Variants in RPS6KB1 observed in about 807,000 individuals in gnomAD.
The protein encoded by RPS6KB1 is ribosomal protein S6 kinase beta-1.
RPS6KB1 carries 12 observed loss-of-function variants against 70.2 expected under a neutral mutation model. The observed-to-expected ratio is 0.17, with a 90% CI of 0.11 to 0.28. RPS6KB1 has a LOEUF of 0.28. RPS6KB1 is among the 10% of genes least tolerant of loss of function. RPS6KB1 has a pLI of 1.00. For missense variants in RPS6KB1, 270 were observed against 646.6 expected (o/e 0.42, Z 6.32); for synonymous variants, 175 against 211.2 (o/e 0.83, Z 1.49).
intron 13 of RPS6KB1, among the ~76,000 whole-genome samples, chr17:59,944,554 C>T (rs542457456): frequency 8.5e-4 from 129 of 152,214 alleles, no homozygotes; most frequent in African/African-American, 2.9e-3. Flanking sequence ...CACTGCACTC[C>T]AGCCTGGGCA....
Position 59,936,520 on chromosome 17 carries a change from G to T in RPS6KB1, c.1098G>T (p.Glu366Asp). 6.2e-7 allele frequency: 1 copy of T among 1,613,364 alleles called. No individual in the cohort carries two copies. Among genetic ancestry groups the T allele is most frequent in the South Asian group, 1.1e-5 (1 of 91,068 alleles). ...NWEELLARKV[E>D]PPFKPLLQSE... ...AAGAACTTCTGGCTCGAAAGGTGGAGCCCCCCTTTAAACCTCTGTTGGTAA... is the reference window on the plus strand; with the variant it reads ...AAGAACTTCTGGCTCGAAAGGTGGATCCCCCCTTTAAACCTCTGTTGGTAA... The change falls in exon 12 of 15, where the codon GAG (glutamate) becomes GAT (aspartate). Residue 366 changes from glutamate to aspartate, a missense_variant. Transcript: ENST00000225577.
At chr17:59,898,080 C>CT (rs2144662720) in intron 1 of RPS6KB1, among the ~76,000 whole-genome samples, 1 of 151,596 alleles carries the variant, frequency 6.6e-6, no homozygotes, top group East Asian at 1.9e-4. Flanking sequence ...TTTTGTTTCA[C>CT]TGTTGATGAT....
chr17:59,915,775 C>CTTTTTTTTTTTTT lies in RPS6KB1; in HGVS notation c.381+1084_381+1096dup, dbSNP rs71370143. Reference sequence around the variant, plus strand: ...GCCACTGCGCCTGGCCTACTGCTATCTTTTTTTTTTTTTTTTTTTTTTTTA... The same window carrying CTTTTTTTTTTTTT: ...GCCACTGCGCCTGGCCTACTGCTATCTTTTTTTTTTTTTTTTTTTTTTTTTTTTTTTTTTTTTA... On this transcript the variant is annotated intron_variant, in intron 4 of 14. Transcript: ENST00000225577. Among the ~76,000 whole-genome samples the CTTTTTTTTTTTTT allele has an allele frequency of 2.1e-4, 16 of 77,908 alleles. 1 individual carries two copies. Among genetic ancestry groups the CTTTTTTTTTTTTT allele is most frequent in the African/African-American group, 5.1e-4 (8 of 15,666 alleles). 51.1% of individuals were successfully genotyped at this position (77,908 alleles called of 152,430 possible). A position where few individuals can be genotyped will look rare whatever the true frequency, so the allele number is the denominator to read the frequency against.
At chr17:59,904,085 T>C (rs1329208765) in intron 1 of RPS6KB1, among the ~76,000 whole-genome samples, 1 of 150,788 alleles carries the variant, frequency 6.6e-6, no homozygotes, top group Non-Finnish European at 1.5e-5. Flanking sequence ...TTTATTTATT[T>C]ATTTATTTAT....
At position 59,894,539 on chromosome 17, in the gene RPS6KB1, GTATA is replaced by G. The variant is rs1208243086; in HGVS notation, c.141+1217_141+1220del. On this transcript the variant is annotated intron_variant, in intron 1 of 14. Coordinates refer to ENST00000225577, the MANE Select transcript of RPS6KB1 (RefSeq NM_003161.4). Reference sequence around the variant, plus strand: ...ACTGTTGACAAAAGATTGAGATGATGTATATAAAGAATTTTGAACACTTTAAGAA... The same window carrying G: ...ACTGTTGACAAAAGATTGAGATGATGTAAAGAATTTTGAACACTTTAAGAA... Among the ~76,000 whole-genome samples, 5 of 152,288 alleles carry G rather than the reference GTATA, an allele frequency of 3.3e-5. No homozygotes were observed. The East Asian group carries it at 9.6e-4, about 29-fold the overall frequency.
At chr17:59,923,499 G>A (rs982908344) in intron 4 of RPS6KB1, among the ~76,000 whole-genome samples, 8 of 151,612 alleles carry the variant, frequency 5.3e-5, no homozygotes, top group Admixed American at 1.3e-4. Flanking sequence ...ATTCCATAGC[G>A]TTCTTTTTTA....
chr17:59,900,136 G>A (rs886947959), intron 1 of RPS6KB1, among the ~76,000 whole-genome samples: 2 of 146,126 alleles, frequency 1.4e-5, no homozygotes, highest in Non-Finnish European at 3.0e-5. Context: ...TCCTACTACA[G>A]CACTCCAGCC....
At chr17:59,930,375 T>A in intron 6 of RPS6KB1, 1 of 541,244 alleles carries the variant, frequency 1.8e-6, no homozygotes, top group South Asian at 2.7e-5. Flanking sequence ...TGGAACGCTC[T>A]TCACACCAGT....
rs972803332 is a variant in RPS6KB1 at position 59,949,116 on chromosome 17, C to G, written c.*2328C>G. On this transcript the variant is annotated 3_prime_UTR_variant, in exon 15 of 15. Transcript: ENST00000225577. ...TTTTCTGCATAAAAAGCATTAATTGCACAGCTACCATCCACACAAATACAT... is the reference window on the plus strand; with the variant it reads ...TTTTCTGCATAAAAAGCATTAATTGGACAGCTACCATCCACACAAATACAT... 1 of 152,564 alleles carries G rather than the reference C, an allele frequency of 6.6e-6. No individual in the cohort carries two copies. Among genetic ancestry groups the G allele is most frequent in the African/African-American group, 2.4e-5 (1 of 41,434 alleles). 9.5% of individuals were successfully genotyped at this position (152,564 alleles called of 1,614,324 possible). A position where few individuals can be genotyped will look rare whatever the true frequency, so the allele number is the denominator to read the frequency against.
chr17:59,949,776 T>G lies in RPS6KB1; in HGVS notation c.*2988T>G, dbSNP rs1452685943. The G allele has an allele frequency of 6.6e-6, 1 of 152,460 alleles. No individual in the cohort carries two copies. Among genetic ancestry groups the G allele is most frequent in the Admixed American group, 6.6e-5 (1 of 15,258 alleles). 9.4% of individuals were successfully genotyped at this position (152,460 alleles called of 1,614,324 possible). A position where few individuals can be genotyped will look rare whatever the true frequency, so the allele number is the denominator to read the frequency against. ...GGGGTGGAGGATGCATGTATGATAC[T>G]CCATAAATTCAACATTCTTTACTAT... On this transcript the variant is annotated 3_prime_UTR_variant, in exon 15 of 15. Coordinates refer to ENST00000225577, the MANE Select transcript of RPS6KB1 (RefSeq NM_003161.4).
Position 59,938,697 on chromosome 17 carries a change from GTT to G in RPS6KB1, c.1120-2137_1120-2136del, listed in dbSNP as rs1491529977. On this transcript the variant is annotated intron_variant, in intron 12 of 14. Transcript: ENST00000225577. ...CTTTGATCAGGAGGCATAATGTGTA[GTT>G]TGTGTGTGTGTGTGTGTGTGTGTGT... 5.7e-5 allele frequency among the ~76,000 whole-genome samples: 7 copies of G among 122,050 alleles called. No homozygotes were observed. The East Asian group carries it at 9.4e-4, about 16-fold the overall frequency. The allele number at this position is 122,050 out of a possible 152,430, so 80.1% of individuals were successfully genotyped here. A position where few individuals can be genotyped will look rare whatever the true frequency, so the allele number is the denominator to read the frequency against.
intron 4 of RPS6KB1, 153 bp from the exon 5 acceptor site, chr17:59,926,282 T>C: frequency 1.6e-6 from 1 of 618,272 alleles, no homozygotes; most frequent in African/African-American, 1.9e-5. Context: ...ATAAAGTGAA[T>C]GTTTTCCATT....
chr17:59,909,499 CTCGTGATCT>C (rs1407466465), intron 1 of RPS6KB1, among the ~76,000 whole-genome samples: 1 of 150,506 alleles, frequency 6.6e-6, no homozygotes, highest in African/African-American at 2.4e-5. Context: ...AACTCCTGAC[CTCGTGATCT>C]GCCCGCATCG....
intron 3 of RPS6KB1, 59 bp downstream of exon 3, chr17:59,912,863 C>A: frequency 6.4e-7 from 1 of 1,563,216 alleles, no homozygotes; most frequent in Non-Finnish European, 8.8e-7. Context: ...GATTTTTATG[C>A]CCTGGTTCCA....
chr17:59,906,226 T>G (rs181126522), intron 1 of RPS6KB1, among the ~76,000 whole-genome samples: 39 of 152,334 alleles, frequency 2.6e-4, no homozygotes, highest in Admixed American at 5.9e-4. Context: ...CTATATGTCT[T>G]TCTTTATGCC....
In RPS6KB1 at chr17:59,893,921, C is replaced by A. The variant is rs1368741289; in HGVS notation, c.141+596C>A. ...GGCTCTGCTGCATCTTCCAATCTTC[C>A]AGGGTTTGTTTGTTTGCTTTTTTTT... is the stretch of plus-strand genomic sequence containing the variant. On this transcript the variant is annotated intron_variant, in intron 1 of 14. Coordinates refer to ENST00000225577, the MANE Select transcript of RPS6KB1 (RefSeq NM_003161.4). This position sits in a 1 kb window ranked among gnomAD's most constrained non-coding sequence, Gnocchi z 4.1. 3.1e-6 allele frequency: 3 copies of A among 981,640 alleles called. No individual in the cohort carries two copies. The highest frequency in any genetic ancestry group is 3.6e-6 in the Non-Finnish European group (3 of 829,300). The allele number at this position is 981,640 out of a possible 1,614,324, so 60.8% of individuals were successfully genotyped here. A position where few individuals can be genotyped will look rare whatever the true frequency, so the allele number is the denominator to read the frequency against.
At chr17:59,915,155 C>T (rs948491518) in intron 4 of RPS6KB1, among the ~76,000 whole-genome samples, 1 of 151,768 alleles carries the variant, frequency 6.6e-6, no homozygotes, top group African/African-American at 2.4e-5. Flanking sequence ...CGCCCAGCTA[C>T]TTTTTTGTAT....
At chr17:59,916,996 G>A (rs1460416854) in intron 4 of RPS6KB1, among the ~76,000 whole-genome samples, 2 of 151,892 alleles carry the variant, frequency 1.3e-5, no homozygotes, top group East Asian at 3.8e-4. Context: ...AAGTGCTTTG[G>A]CATTCTGATT....
chr17:59,936,447 T>C lies in RPS6KB1; in HGVS notation c.1042-17T>C. 1 of 1,611,708 alleles carries C rather than the reference T, an allele frequency of 6.2e-7. No homozygotes were observed. Among genetic ancestry groups the C allele is most frequent in the Non-Finnish European group, 8.5e-7 (1 of 1,178,316 alleles). On this transcript the variant is annotated splice_polypyrimidine_tract_variant and intron_variant, in intron 11 of 14. Transcript: ENST00000225577. ...GTCTAGTCCCCTCAACTTTTCTTCC[T>C]GCTTTTTTTTTCCTAGGCTCATCCA...
Sources: allele counts gnomAD v4.1 joint callset (sites outside exome capture counted in the v4.1 genomes callset), GRCh38; gene constraint gnomAD v4.1.1; non-coding constraint Gnocchi (gnomAD v3.1); transcripts MANE v1.5; gene names NCBI Gene and HGNC (gene_info 2026-07-23, HGNC 2026-07-21).